TLNRD1: variants seen among roughly 807,000 people sequenced by gnomAD.
TLNRD1 encodes talin rod domain-containing protein 1.
Under a neutral mutation model 19.5 loss-of-function variants are expected in TLNRD1, and 14 were observed. The observed-to-expected ratio is 0.72, with a 90% CI of 0.47 to 1.12. The LOEUF is 1.12. Ranked by LOEUF, TLNRD1 falls within the 50% of genes most tolerant of loss-of-function variation. The pLI, the probability that TLNRD1 is intolerant of heterozygous loss-of-function variation, is 0.00. For missense variants in TLNRD1, 569 were observed against 531.9 expected (o/e 1.07, Z -0.69); for synonymous variants, 345 against 261.7 (o/e 1.32, Z -3.07).
In TLNRD1 at chr15:81,004,083, G is replaced by T. The variant is rs1244260263; in HGVS notation, c.*723G>T. On this transcript the variant is annotated 3_prime_UTR_variant, in exon 1 of 1. Coordinates refer to ENST00000267984, the MANE Select transcript of TLNRD1 (RefSeq NM_022566.3). ...ATGTCATGTATGGGAAGGGTCTGTGGGAAGGCTATTTCAATAGTAGTGAGG... is the reference window on the plus strand; with the variant it reads ...ATGTCATGTATGGGAAGGGTCTGTGTGAAGGCTATTTCAATAGTAGTGAGG... The T allele has an allele frequency of 6.0e-6, 1 of 167,002 alleles. No homozygotes were observed. Among genetic ancestry groups the T allele is most frequent in the Admixed American group, 6.5e-5 (1 of 15,280 alleles). 10.3% of individuals were successfully genotyped at this position (167,002 alleles called of 1,614,324 possible). A position where few individuals can be genotyped will look rare whatever the true frequency, so the allele number is the denominator to read the frequency against.
In TLNRD1 at chr15:81,004,104, T is replaced by G. The variant is rs943027283; in HGVS notation, c.*744T>G. On this transcript the variant is annotated 3_prime_UTR_variant, in exon 1 of 1. Transcript: ENST00000267984. The stretch of plus-strand genomic sequence containing the variant: ...TGTGGGAAGGCTATTTCAATAGTAG[T>G]GAGGCGGGCCCCCAATTCCCAGCCC... 8 of 167,044 alleles carry G rather than the reference T, an allele frequency of 4.8e-5. No homozygotes were observed. Among genetic ancestry groups the G allele is most frequent in the African/African-American group, 1.7e-4 (7 of 41,416 alleles). The allele number at this position is 167,044 out of a possible 1,614,324, so 10.3% of individuals were successfully genotyped here.
rs1485960217 is a variant in TLNRD1, at chr15:81,003,887, G to A, written c.*527G>A. On this transcript the variant is annotated 3_prime_UTR_variant, in exon 1 of 1. Transcript: ENST00000267984. ...TTTGCAAATGGGGGGAAGCTACTGT[G>A]AGCGTGTGTTTTTTTAATTTACACT... is the stretch of plus-strand genomic sequence containing the variant. The A allele has an allele frequency of 6.0e-6, 1 of 166,488 alleles. No individual in the cohort carries two copies. Among genetic ancestry groups the A allele is most frequent in the African/African-American group, 2.4e-5 (1 of 41,240 alleles). 10.3% of individuals were successfully genotyped at this position (166,488 alleles called of 1,614,324 possible). A position where few individuals can be genotyped will look rare whatever the true frequency, so the allele number is the denominator to read the frequency against.
Position 81,002,087 on chromosome 15 carries a change from C to T in TLNRD1, c.-185C>T, listed in dbSNP as rs1239932027. 1.4e-5 allele frequency: 8 copies of T among 575,410 alleles called. No homozygotes were observed. Among genetic ancestry groups the T allele is most frequent in the African/African-American group, 1.2e-4 (6 of 50,562 alleles). The allele number at this position is 575,410 out of a possible 1,614,324, so 35.6% of individuals were successfully genotyped here. A position where few individuals can be genotyped will look rare whatever the true frequency, so the allele number is the denominator to read the frequency against. ...TCTCGCCCTCGGGCCCACCCCGCGC[C>T]GCCCGGGCTCCCGCCGCCGCAGCCC... On this transcript the variant is annotated 5_prime_UTR_variant, in exon 1 of 1. Transcript: ENST00000267984.
Position 81,003,205 on chromosome 15 carries a change from C to T in TLNRD1, c.934C>T (p.His312Tyr), listed in dbSNP as rs200068676. 110 of 1,595,996 alleles carry T rather than the reference C, an allele frequency of 6.9e-5. No individual in the cohort carries two copies. Among genetic ancestry groups the T allele is most frequent in the Non-Finnish European group, 4.3e-6 (5 of 1,171,854 alleles). Residue 312 changes from histidine to tyrosine, a missense_variant, in exon 1 of 1, where the codon CAC becomes TAC. By Grantham distance (83) the His-to-Tyr change is moderately conservative. Coordinates refer to ENST00000267984, the MANE Select transcript of TLNRD1 (RefSeq NM_022566.3). ...CCAGTGCCTCAGGGATCTGGCGCAG[C>T]ACCCCGACGGGGGCGCCAAGATGTC... Reference protein sequence around the residue: ...LTQCLRDLAQHPDGGAKMSDH... With the variant: ...LTQCLRDLAQYPDGGAKMSDH...
chr15:81,004,627 G>A lies in TLNRD1; in HGVS notation c.*1267G>A, dbSNP rs1893469008. ...TAAGAACGTTCTAGAGCCACAACAT[G>A]ATTGTAGGCCAAGGGCTTGTTTTTG... On this transcript the variant is annotated 3_prime_UTR_variant, in exon 1 of 1. Coordinates refer to ENST00000267984, the MANE Select transcript of TLNRD1 (RefSeq NM_022566.3). 6.0e-6 allele frequency: 1 copy of A among 167,066 alleles called. No individual in the cohort carries two copies. Among genetic ancestry groups the A allele is most frequent in the South Asian group, 2.1e-4 (1 of 4,836 alleles). The allele number at this position is 167,066 out of a possible 1,614,324, so 10.3% of individuals were successfully genotyped here. A position where few individuals can be genotyped will look rare whatever the true frequency, so the allele number is the denominator to read the frequency against.
Position 81,003,569 on chromosome 15 carries a change from A to C in TLNRD1, c.*209A>C. The C allele has an allele frequency of 1.8e-6, 1 of 550,880 alleles. No individual in the cohort carries two copies. Among genetic ancestry groups the C allele is most frequent in the Admixed American group, 3.5e-5 (1 of 28,434 alleles). 34.1% of individuals were successfully genotyped at this position (550,880 alleles called of 1,614,324 possible). The stretch of plus-strand genomic sequence containing the variant: ...CCCAGGTGTCTCTCCACCAGCCCCC[A>C]TGCAGTAGGGACTGGAAGATATGTC... On this transcript the variant is annotated 3_prime_UTR_variant, in exon 1 of 1. Transcript: ENST00000267984.
rs1318552214 is a variant in TLNRD1 at position 81,005,684 on chromosome 15, C to G, written c.*2324C>G. On this transcript the variant is annotated 3_prime_UTR_variant, in exon 1 of 1. Coordinates refer to ENST00000267984, the MANE Select transcript of TLNRD1 (RefSeq NM_022566.3). ...AGTCACTAAGTGAATTTTGAAACCTCTTACCTAAATGATAGCTGCTCTTGG... is the reference window on the plus strand; with the variant it reads ...AGTCACTAAGTGAATTTTGAAACCTGTTACCTAAATGATAGCTGCTCTTGG... 2 of 167,070 alleles carry G rather than the reference C, an allele frequency of 1.2e-5. No individual in the cohort carries two copies. The highest frequency in any genetic ancestry group is 2.9e-5 in the Non-Finnish European group (2 of 68,118). The allele number at this position is 167,070 out of a possible 1,614,324, so 10.3% of individuals were successfully genotyped here. A position where few individuals can be genotyped will look rare whatever the true frequency, so the allele number is the denominator to read the frequency against.
rs776568988 is a variant in TLNRD1, at chr15:81,002,818, G to T, written c.547G>T (p.Val183Leu). ...ADMTPQLLLE[V>L]SQGLSRNLKF... ...CATGACGCCGCAGCTGCTGCTGGAG[G>T]TGTCGCAGGGCCTGTCGCGCAACCT... The change falls in exon 1 of 1, where the codon GTG (valine) becomes TTG (leucine). Residue 183 changes from valine to leucine, a missense_variant. By Grantham distance (32) the Val-to-Leu change is conservative. Coordinates refer to ENST00000267984, the MANE Select transcript of TLNRD1 (RefSeq NM_022566.3). 380 of 1,582,298 alleles carry T rather than the reference G, an allele frequency of 2.4e-4. No homozygotes were observed. Among genetic ancestry groups the T allele is most frequent in the Non-Finnish European group, 3.0e-4 (351 of 1,171,674 alleles).
Position 81,004,840 on chromosome 15 carries a change from A to G in TLNRD1, c.*1480A>G, listed in dbSNP as rs1893471145. The G allele has an allele frequency of 6.0e-6, 1 of 167,110 alleles. No homozygotes were observed. Among genetic ancestry groups the G allele is most frequent in the Admixed American group, 6.5e-5 (1 of 15,282 alleles). The allele number at this position is 167,110 out of a possible 1,614,324, so 10.4% of individuals were successfully genotyped here. A position where few individuals can be genotyped will look rare whatever the true frequency, so the allele number is the denominator to read the frequency against. On this transcript the variant is annotated 3_prime_UTR_variant, in exon 1 of 1. Transcript: ENST00000267984. Reference sequence around the variant, plus strand: ...TTCTGAATATCTTCCCACTAAAAGCACAACAAATCTATTTACAGTGCCTGA... The same window carrying G: ...TTCTGAATATCTTCCCACTAAAAGCGCAACAAATCTATTTACAGTGCCTGA...
In TLNRD1 at chr15:81,005,097, T is replaced by C. The variant is rs920792165; in HGVS notation, c.*1737T>C. On this transcript the variant is annotated 3_prime_UTR_variant, in exon 1 of 1. Coordinates refer to ENST00000267984, the MANE Select transcript of TLNRD1 (RefSeq NM_022566.3). ...ATGAAATACAACGTGTAAAAGTCTT[T>C]AACCTGTGTTGGGTAAGGGTAGGAC... 3 of 167,118 alleles carry C rather than the reference T, an allele frequency of 1.8e-5. No individual in the cohort carries two copies. The highest frequency in any genetic ancestry group is 4.4e-5 in the Non-Finnish European group (3 of 68,128). 10.4% of individuals were successfully genotyped at this position (167,118 alleles called of 1,614,324 possible). A position where few individuals can be genotyped will look rare whatever the true frequency, so the allele number is the denominator to read the frequency against.
chr15:81,002,766 C>T lies in TLNRD1; in HGVS notation c.495C>T (p.Ala165=), dbSNP rs1015216082. ...RCRHEVEQGC[A]VLRATPLADM... ...GCCACGAGGTGGAGCAGGGTTGCGC[C>T]GTGCTGCGCGCCACGCCGCTGGCCG... Residue 165 remains alanine, a synonymous_variant, in exon 1 of 1, where the codon GCC becomes GCT. Coordinates refer to ENST00000267984, the MANE Select transcript of TLNRD1 (RefSeq NM_022566.3). 3 of 1,541,658 alleles carry T rather than the reference C, an allele frequency of 1.9e-6. No individual in the cohort carries two copies. Among genetic ancestry groups the T allele is most frequent in the Non-Finnish European group, 2.6e-6 (3 of 1,149,750 alleles).
rs1013633730 is a variant in TLNRD1 at position 81,001,143 on chromosome 15, G to C, written c.-1129G>C. ...CCTTCCTTTCAGTTTCTGCCCGCTC[G>C]CTCGGAAGTTGGCGGTTGACAAAAA... On this transcript the variant is annotated 5_prime_UTR_variant, in exon 1 of 1. Coordinates refer to ENST00000267984, the MANE Select transcript of TLNRD1 (RefSeq NM_022566.3). The C allele has an allele frequency of 2.0e-5, 3 of 152,496 alleles. No individual in the cohort carries two copies. The highest frequency in any genetic ancestry group is 4.8e-5 in the African/African-American group (2 of 41,442). 9.4% of individuals were successfully genotyped at this position (152,496 alleles called of 1,614,324 possible). A position where few individuals can be genotyped will look rare whatever the true frequency, so the allele number is the denominator to read the frequency against.
chr15:81,004,987 T>G lies in TLNRD1; in HGVS notation c.*1627T>G, dbSNP rs947496619. On this transcript the variant is annotated 3_prime_UTR_variant, in exon 1 of 1. Transcript: ENST00000267984. ...TCCCACAGATCTGAAAAGAAAGCATTTTTCACTGTAATACATTAAGAGAGA... is the reference window on the plus strand; with the variant it reads ...TCCCACAGATCTGAAAAGAAAGCATGTTTCACTGTAATACATTAAGAGAGA... The G allele has an allele frequency of 6.0e-5, 10 of 167,048 alleles. No individual in the cohort carries two copies. The highest frequency in any genetic ancestry group is 1.5e-4 in the Non-Finnish European group (10 of 68,106). 10.3% of individuals were successfully genotyped at this position (167,048 alleles called of 1,614,324 possible). A position where few individuals can be genotyped will look rare whatever the true frequency, so the allele number is the denominator to read the frequency against.
chr15:81,003,475 G>C lies in TLNRD1; in HGVS notation c.*115G>C. 8.5e-7 allele frequency: 1 copy of C among 1,171,982 alleles called. No individual in the cohort carries two copies. Among genetic ancestry groups the C allele is most frequent in the South Asian group, 1.6e-5 (1 of 61,400 alleles). 72.6% of individuals were successfully genotyped at this position (1,171,982 alleles called of 1,614,324 possible). A position where few individuals can be genotyped will look rare whatever the true frequency, so the allele number is the denominator to read the frequency against. The stretch of plus-strand genomic sequence containing the variant: ...GGTGAAACCCCCTACCCTCCCCAAC[G>C]TTAAATGCTCGAGAGGAATCTTCCA... On this transcript the variant is annotated 3_prime_UTR_variant, in exon 1 of 1. Transcript: ENST00000267984.
rs1451358882 is a variant in TLNRD1 at position 81,002,292 on chromosome 15, G to C, written c.21G>C (p.Gly7=). 7 of 1,304,574 alleles carry C rather than the reference G, an allele frequency of 5.4e-6. No individual in the cohort carries two copies. The highest frequency in any genetic ancestry group is 1.5e-5 in the African/African-American group (1 of 65,330). 80.8% of individuals were successfully genotyped at this position (1,304,574 alleles called of 1,614,324 possible). A position where few individuals can be genotyped will look rare whatever the true frequency, so the allele number is the denominator to read the frequency against. Residue 7 remains glycine, a synonymous_variant, in exon 1 of 1, where the codon GGG becomes GGC. Coordinates refer to ENST00000267984, the MANE Select transcript of TLNRD1 (RefSeq NM_022566.3). The part of the protein sequence containing the change: MASGSA[G]KPTGEAASPA... ...GCGCGATGGCTAGCGGCAGCGCCGG[G>C]AAGCCCACTGGCGAGGCGGCTTCTC... is the stretch of plus-strand genomic sequence containing the variant.
Position 81,005,007 on chromosome 15 carries a change from G to A in TLNRD1, c.*1647G>A, listed in dbSNP as rs1018162460. The A allele has an allele frequency of 6.0e-6, 1 of 166,970 alleles. No individual in the cohort carries two copies. Among genetic ancestry groups the A allele is most frequent in the African/African-American group, 2.4e-5 (1 of 41,440 alleles). The allele number at this position is 166,970 out of a possible 1,614,324, so 10.3% of individuals were successfully genotyped here. Reference sequence around the variant, plus strand: ...AGCATTTTTCACTGTAATACATTAAGAGAGAGAGAAAAAAGTCATATTGAC... The same window carrying A: ...AGCATTTTTCACTGTAATACATTAAAAGAGAGAGAAAAAAGTCATATTGAC... On this transcript the variant is annotated 3_prime_UTR_variant, in exon 1 of 1. Coordinates refer to ENST00000267984, the MANE Select transcript of TLNRD1 (RefSeq NM_022566.3).
rs1893422151 is a variant in TLNRD1, at chr15:81,002,210, T to TGGCCGCGGCAGC, written c.-58_-47dup. On this transcript the variant is annotated 5_prime_UTR_variant, in exon 1 of 1. Coordinates refer to ENST00000267984, the MANE Select transcript of TLNRD1 (RefSeq NM_022566.3). ...GCGACGGCCGCCGGGGCGGCGGCAG[T>TGGCCGCGGCAGC]GGCCGCGGCAGCGGCGGTGGTAGCG... is the stretch of plus-strand genomic sequence containing the variant. 4.1e-6 allele frequency: 5 copies of TGGCCGCGGCAGC among 1,214,852 alleles called. No homozygotes were observed. Among genetic ancestry groups the TGGCCGCGGCAGC allele is most frequent in the Non-Finnish European group, 5.1e-6 (5 of 977,384 alleles). The allele number at this position is 1,214,852 out of a possible 1,614,324, so 75.3% of individuals were successfully genotyped here.
At position 81,002,424 on chromosome 15, in the gene TLNRD1, G is replaced by A. The variant is rs762356938; in HGVS notation, c.153G>A (p.Leu51=). The change falls in exon 1 of 1, where the codon CTG becomes CTA. Residue 51 remains leucine (L), a synonymous_variant. Coordinates refer to ENST00000267984, the MANE Select transcript of TLNRD1 (RefSeq NM_022566.3). Reference sequence around the variant, plus strand: ...AGATGCAGCTGGTGGCTGACCTGCTGCTGCTGTCGAGCGAGGCGCGGCCCG... The same window carrying A: ...AGATGCAGCTGGTGGCTGACCTGCTACTGCTGTCGAGCGAGGCGCGGCCCG... The part of the protein sequence containing the change: ...KGKMQLVADL[L]LLSSEARPVL... 2 of 1,555,800 alleles carry A rather than the reference G, an allele frequency of 1.3e-6. No individual in the cohort carries two copies. Among genetic ancestry groups the A allele is most frequent in the African/African-American group, 1.4e-5 (1 of 71,218 alleles).
rs975394635 is a variant in TLNRD1, at chr15:81,001,540, C to A, written c.-732C>A. ...TGCAGGCTCCCGCCCGACTCTGACT[C>A]GGCGCGGCCGCGACAGTGCCGGCCA... is the stretch of plus-strand genomic sequence containing the variant. On this transcript the variant is annotated 5_prime_UTR_variant, in exon 1 of 1. Coordinates refer to ENST00000267984, the MANE Select transcript of TLNRD1 (RefSeq NM_022566.3). 1 of 151,666 alleles carries A rather than the reference C, an allele frequency of 6.6e-6. No homozygotes were observed. Among genetic ancestry groups the A allele is most frequent in the Non-Finnish European group, 1.5e-5 (1 of 67,890 alleles). The allele number at this position is 151,666 out of a possible 1,614,324, so 9.4% of individuals were successfully genotyped here. A position where few individuals can be genotyped will look rare whatever the true frequency, so the allele number is the denominator to read the frequency against.
Sources: gnomAD v4.1 joint callset for allele counts on GRCh38, gnomAD v4.1.1 for gene constraint, MANE v1.5 for transcripts, NCBI Gene and HGNC (gene_info 2026-07-23, HGNC 2026-07-21) for gene names.